The following MAN1A2 variants were observed in gnomAD, a reference collection of about 807,000 sequenced individuals.
MAN1A2 encodes mannosidase alpha class 1A member 2, also known as mannosyl-oligosaccharide 1,2-alpha-mannosidase IB.
Under a neutral mutation model 75.7 loss-of-function variants are expected in MAN1A2, and 26 were observed. The observed-to-expected ratio is 0.34, with a 90% CI of 0.25 to 0.48. The LOEUF is 0.48. MAN1A2 is among the 20% of genes least tolerant of loss of function. The probability of loss-of-function intolerance (pLI) is 0.99; values close to 1 mark genes in which losing one functional copy is unlikely to be tolerated. For missense variants in MAN1A2, 562 were observed against 775.5 expected (o/e 0.72, Z 3.27); for synonymous variants, 247 against 264.6 (o/e 0.93, Z 0.65).
chr1:117,439,545 G>A (rs2101809830), intron 5 of MAN1A2, among the ~76,000 whole-genome samples: 1 of 151,930 alleles, frequency 6.6e-6, no homozygotes, highest in East Asian at 1.9e-4. Context: ...CCAGGCTGGA[G>A]TGCAGTGGCG....
intron 2 of MAN1A2, 100 bp from the exon 3 acceptor site, chr1:117,405,449 G>GAATGGGC: frequency 2.7e-6 from 2 of 730,476 alleles, no homozygotes; most frequent in South Asian, 3.0e-5. Flanking sequence ...AGATCTGGAA[G>GAATGGGC]AATGGGCAAG....
chr1:117,410,299 TTAAGA>T (rs1334817370), intron 3 of MAN1A2, among the ~76,000 whole-genome samples: 1 of 151,856 alleles, frequency 6.6e-6, no homozygotes, highest in East Asian at 1.9e-4. Flanking sequence ...CTAGTGTAGT[TTAAGA>T]TATCAGTATA....
At position 117,526,880 on chromosome 1, in the gene MAN1A2, C is replaced by CTCTCTCTCTCTCTCTATATATATATA; in HGVS notation, c.*3924_*3925insCTCTCTCTCTCTCTATATATATATAT. On this transcript the variant is annotated 3_prime_UTR_variant, in exon 13 of 13. Transcript: ENST00000356554. ...TCTCTCTCTCTCTCTCTCTCTCTCT[C>CTCTCTCTCTCTCTCTATATATATATA]TATATATATATATATATATATATAT... is the stretch of plus-strand genomic sequence containing the variant. 1.1e-4 allele frequency: 6 copies of CTCTCTCTCTCTCTCTATATATATATA among 54,514 alleles called. No individual in the cohort carries two copies. The highest frequency in any genetic ancestry group is 2.4e-4 in the African/African-American group (3 of 12,282). 3.4% of individuals were successfully genotyped at this position (54,514 alleles called of 1,614,324 possible). A position where few individuals can be genotyped will look rare whatever the true frequency, so the allele number is the denominator to read the frequency against.
chr1:117,437,853 TA>T (rs1480659328), intron 5 of MAN1A2, among the ~76,000 whole-genome samples: 5 of 152,182 alleles, frequency 3.3e-5, no homozygotes, highest in Non-Finnish European at 5.9e-5. Flanking sequence ...ATTAGGGGGC[TA>T]GAGTTGGTAT....
intron 8 of MAN1A2, among the ~76,000 whole-genome samples, chr1:117,483,474 CTTAGGTA>C: frequency 6.6e-6 from 1 of 152,082 alleles, no homozygotes; most frequent in South Asian, 2.1e-4. Context: ...AAGTTGGATT[CTTAGGTA>C]TTTTATTCTC....
chr1:117,405,438 TAG>T, intron 2 of MAN1A2, 109 bp from the exon 3 acceptor site: 1 of 704,900 alleles, frequency 1.4e-6, no homozygotes. Flanking sequence ...TGTACTAATA[TAG>T]ATCTGGAAGA....
intron 7 of MAN1A2, among the ~76,000 whole-genome samples, chr1:117,463,753 G>T (rs1214190377): frequency 6.7e-6 from 1 of 149,268 alleles, no homozygotes; most frequent in African/African-American, 2.4e-5. Flanking sequence ...TACCATAATA[G>T]AAATTAAATT....
intron 2 of MAN1A2, among the ~76,000 whole-genome samples, chr1:117,402,969 A>G (rs1647490883): frequency 6.6e-6 from 1 of 152,180 alleles, no homozygotes; most frequent in African/African-American, 2.4e-5. Context: ...AAAATTCTTT[A>G]AATTTATTTA....
rs144701751 is a variant in MAN1A2 at position 117,511,177 on chromosome 1, C to T, written c.1793+8207C>T. Among the ~76,000 whole-genome samples the T allele has an allele frequency of 4.0e-3, 606 of 152,120 alleles. 5 individuals are homozygous for T. Among genetic ancestry groups the T allele is most frequent in the African/African-American group, 0.014 (580 of 41,522 alleles). On this transcript the variant is annotated intron_variant, in intron 12 of 12. Transcript: ENST00000356554. Reference sequence around the variant, plus strand: ...ATAAAACCATCAGATCTCATGAGAACTCACTCATTATCAGGAGAACAATAT... The same window carrying T: ...ATAAAACCATCAGATCTCATGAGAATTCACTCATTATCAGGAGAACAATAT...
intron 1 of MAN1A2, among the ~76,000 whole-genome samples, chr1:117,390,794 C>T (rs1653691498): frequency 6.6e-6 from 1 of 151,532 alleles, no homozygotes; most frequent in Non-Finnish European, 1.5e-5. Flanking sequence ...TTCATATTGG[C>T]ATTTAGTGCT....
At chr1:117,519,296 A>C (rs1382956204) in intron 12 of MAN1A2, among the ~76,000 whole-genome samples, 1 of 152,042 alleles carries the variant, frequency 6.6e-6, no homozygotes, top group African/African-American at 2.4e-5. Flanking sequence ...ACAAGAACAA[A>C]CCATACTCAA....
rs1553237323 is a variant in MAN1A2 at position 117,464,356 on chromosome 1, C to CAAAAGAAAA, written c.1075-1974_1075-1973insGAAAAAAAA. The stretch of plus-strand genomic sequence containing the variant: ...CCTGGGCGACAGAGCAAGACTCTGT[C>CAAAAGAAAA]AAAAAAAAAAGAAACAGAACACTGC... On this transcript the variant is annotated intron_variant, in intron 7 of 12. Coordinates refer to ENST00000356554, the MANE Select transcript of MAN1A2 (RefSeq NM_006699.5). 1.8e-3 allele frequency among the ~76,000 whole-genome samples: 236 copies of CAAAAGAAAA among 132,018 alleles called. 3 individuals are homozygous for CAAAAGAAAA. The highest frequency in any genetic ancestry group is 3.4e-3 in the Admixed American group (45 of 13,260). 86.6% of individuals were successfully genotyped at this position (132,018 alleles called of 152,430 possible). A position where few individuals can be genotyped will look rare whatever the true frequency, so the allele number is the denominator to read the frequency against.
chr1:117,451,502 G>C (rs1649416987), intron 6 of MAN1A2, among the ~76,000 whole-genome samples: 1 of 152,186 alleles, frequency 6.6e-6, no homozygotes, highest in South Asian at 2.1e-4. Flanking sequence ...CATGAGATTT[G>C]GGAGGGGCCA....
At chr1:117,457,690 T>A (rs1285745971) in intron 6 of MAN1A2, among the ~76,000 whole-genome samples, 1 of 152,166 alleles carries the variant, frequency 6.6e-6, no homozygotes, top group Non-Finnish European at 1.5e-5. Flanking sequence ...ACACTATAAT[T>A]CATCCGCTAT....
At chr1:117,465,750 A>C (rs1553237488) in intron 7 of MAN1A2, among the ~76,000 whole-genome samples, 1 of 152,118 alleles carries the variant, frequency 6.6e-6, no homozygotes, top group Non-Finnish European at 1.5e-5. Context: ...GAAAGTCTCC[A>C]GCTTCTTAAT....
chr1:117,402,565 T>A, intron 2 of MAN1A2, 124 bp downstream of exon 2: 2 of 860,276 alleles, frequency 2.3e-6, no homozygotes, highest in Non-Finnish European at 3.3e-6. Context: ...GTAGTATAGT[T>A]TCCAGGTTGG....
At position 117,373,915 on chromosome 1, in the gene MAN1A2, A is replaced by AT. The variant is rs35568370; in HGVS notation, c.302+5441dup. Among the ~76,000 whole-genome samples, 23 of 151,432 alleles carry AT rather than the reference A, an allele frequency of 1.5e-4. No homozygotes were observed. In the East Asian group the frequency reaches 2.5e-3, roughly 17 times the overall value. On this transcript the variant is annotated intron_variant, in intron 1 of 12. Transcript: ENST00000356554. ...AGTAGTACATGGTAAACATTAATTG[A>AT]TTTTTTTTTTTAAGTGAAAGCAAGT...
intron 1 of MAN1A2, among the ~76,000 whole-genome samples, chr1:117,373,296 C>T (rs1223507776): frequency 2.0e-5 from 3 of 152,020 alleles, no homozygotes; most frequent in Admixed American, 6.5e-5. Context: ...GGGCTTTCTG[C>T]TCCTGTTTGG....
intron 1 of MAN1A2, among the ~76,000 whole-genome samples, chr1:117,376,033 G>T (rs867568701): frequency 2.6e-5 from 4 of 151,026 alleles, no homozygotes; most frequent in Non-Finnish European, 4.4e-5. Flanking sequence ...TGCCTCAGCC[G>T]CCCGAGTAGC....
Sources: gnomAD v4.1 joint callset for allele counts (sites outside exome capture counted in the v4.1 genomes callset) on GRCh38, gnomAD v4.1.1 for gene constraint, MANE v1.5 for transcripts, NCBI Gene and HGNC (gene_info 2026-07-23, HGNC 2026-07-21) for gene names.